Variants in MARCHF4 observed in about 807,000 individuals in gnomAD.
The protein encoded by MARCHF4 is membrane associated ring-CH-type finger 4.
A neutral mutation model predicts 43.9 loss-of-function variants in MARCHF4; 14 were observed. The observed-to-expected ratio is 0.32, with a 90% CI of 0.21 to 0.50. The LOEUF (loss-of-function observed/expected upper bound fraction) is 0.50. MARCHF4 is among the 20% of genes least tolerant of loss of function. The pLI is 0.98. For missense variants in MARCHF4, 468 were observed against 536.7 expected (o/e 0.87, Z 1.27); for synonymous variants, 226 against 213.3 (o/e 1.06, Z -0.52).
At chr2:216,294,379 A>C (rs1362850826) in intron 1 of MARCHF4, among the ~76,000 whole-genome samples, 1 of 152,264 alleles carries the variant, frequency 6.6e-6, no homozygotes, top group East Asian at 1.9e-4. Context: ...ATTAATATTC[A>C]GTGTATTCAG....
chr2:216,352,080 A>G (rs965548229), intron 1 of MARCHF4, among the ~76,000 whole-genome samples: 5 of 152,188 alleles, frequency 3.3e-5, no homozygotes, highest in Admixed American at 2.0e-4. Flanking sequence ...AAGATCTGGA[A>G]TGAAAGTATG....
chr2:216,259,223 C>G lies in MARCHF4; in HGVS notation c.*89G>C. ...AGGTCCCCCACCCTCTGCCTGCTCC[C>G]TCTGTTGGCTCTGGGGGTGCCACTG... On this transcript the variant is annotated 3_prime_UTR_variant, in exon 4 of 4. Coordinates refer to ENST00000273067, the MANE Select transcript of MARCHF4 (RefSeq NM_020814.3). 1 of 1,487,796 alleles carries G rather than the reference C, an allele frequency of 6.7e-7. No individual in the cohort carries two copies. The highest frequency in any genetic ancestry group is 1.5e-5 in the South Asian group (1 of 68,442). The allele number at this position is 1,487,796 out of a possible 1,614,324, so 92.2% of individuals were successfully genotyped here. A position where few individuals can be genotyped will look rare whatever the true frequency, so the allele number is the denominator to read the frequency against.
Position 216,277,774 on chromosome 2 carries a change from G to A in MARCHF4, c.763C>T (p.Leu255Phe). 3.7e-6 allele frequency: 6 copies of A among 1,614,222 alleles called. No homozygotes were observed. Among genetic ancestry groups the A allele is most frequent in the Non-Finnish European group, 5.1e-6 (6 of 1,180,032 alleles). ...GAGGGGCTGAAAGTTGACCAGATGAGCCAAGAAATACTGGCGATGAGGAAG... is the reference window on the plus strand; with the variant it reads ...GAGGGGCTGAAAGTTGACCAGATGAACCAAGAAATACTGGCGATGAGGAAG... ...SLFLIASISW[L>F]IWSTFSPSAR... Residue 255 changes from leucine to phenylalanine, a missense_variant, in exon 3 of 4, where the codon CTC (leucine) becomes TTC (phenylalanine). This residue lies in a region of MARCHF4 where 158 missense variants were observed against 251.1 expected (regional missense o/e 0.63). Transcript: ENST00000273067.
chr2:216,265,059 G>A (rs1234960506), intron 3 of MARCHF4, among the ~76,000 whole-genome samples: 1 of 152,170 alleles, frequency 6.6e-6, no homozygotes, highest in African/African-American at 2.4e-5. Flanking sequence ...CGTGGCCAAG[G>A]TTGAAGAGGT....
chr2:216,299,262 C>G (rs1046391966), intron 1 of MARCHF4, among the ~76,000 whole-genome samples: 2 of 152,148 alleles, frequency 1.3e-5, no homozygotes, highest in Non-Finnish European at 2.9e-5. Context: ...CAGGGGGTGC[C>G]TTGCCAGCTG....
intron 1 of MARCHF4, among the ~76,000 whole-genome samples, chr2:216,354,666 G>A (rs1247607237): frequency 6.6e-6 from 1 of 152,176 alleles, no homozygotes; most frequent in Non-Finnish European, 1.5e-5. Context: ...AAAGGAAATG[G>A]ACGACAGGAC....
chr2:216,291,324 T>G (rs1157777422), intron 1 of MARCHF4, among the ~76,000 whole-genome samples: 2 of 152,160 alleles, frequency 1.3e-5, no homozygotes, highest in Non-Finnish European at 2.9e-5. Flanking sequence ...CAAGTTTTCT[T>G]TCTGGTTTCT....
chr2:216,335,303 T>C (rs752981225), intron 1 of MARCHF4, among the ~76,000 whole-genome samples: 12 of 151,978 alleles, frequency 7.9e-5, no homozygotes, highest in Non-Finnish European at 1.2e-4. Context: ...CATTGAGAAA[T>C]TGACAAAAGA....
chr2:216,368,450 A>G (rs1692699965), intron 1 of MARCHF4, among the ~76,000 whole-genome samples: 1 of 152,352 alleles, frequency 6.6e-6, no homozygotes, highest in Middle Eastern at 3.4e-3. Context: ...AGAGACATTT[A>G]TTCACACTAA....
chr2:216,333,512 T>TGGA (rs1692112485), intron 1 of MARCHF4, among the ~76,000 whole-genome samples: 1 of 152,220 alleles, frequency 6.6e-6, no homozygotes, highest in Non-Finnish European at 1.5e-5. Context: ...CTGTGGAGAC[T>TGGA]CTTCATTGCT....
chr2:216,347,086 C>A (rs567630567), intron 1 of MARCHF4, among the ~76,000 whole-genome samples: 16 of 152,316 alleles, frequency 1.1e-4, no homozygotes, highest in Admixed American at 8.5e-4. Flanking sequence ...TTTCCTGAGG[C>A]CTCCTCAGCC....
At chr2:216,274,444 G>C (rs75528744) in intron 3 of MARCHF4, among the ~76,000 whole-genome samples, 1 of 152,194 alleles carries the variant, frequency 6.6e-6, no homozygotes, top group South Asian at 2.1e-4. Context: ...TCCCTCCAGA[G>C]AGCCCTTAAA....
intron 3 of MARCHF4, among the ~76,000 whole-genome samples, chr2:216,268,643 C>G (rs1690884990): frequency 6.6e-6 from 1 of 152,196 alleles, no homozygotes; most frequent in Non-Finnish European, 1.5e-5. Context: ...TACCCAGTAT[C>G]AGGGAAGTCC....
At chr2:216,306,382 C>T (rs1473082105) in intron 1 of MARCHF4, among the ~76,000 whole-genome samples, 1 of 152,162 alleles carries the variant, frequency 6.6e-6, no homozygotes, top group South Asian at 2.1e-4. Flanking sequence ...GTTTTGGATC[C>T]GTATCAAAAT....
chr2:216,302,385 ATTTT>A (rs371839329), intron 1 of MARCHF4, among the ~76,000 whole-genome samples: 1 of 139,808 alleles, frequency 7.2e-6, no homozygotes, highest in Non-Finnish European at 1.5e-5. Flanking sequence ...CGCCCATCTA[ATTTT>A]TTTTTTTTTT....
intron 1 of MARCHF4, among the ~76,000 whole-genome samples, chr2:216,367,093 C>T (rs1692677682): frequency 6.6e-6 from 1 of 152,246 alleles, no homozygotes; most frequent in Admixed American, 6.5e-5. Flanking sequence ...CGTTTAGCCC[C>T]TATAGCAGTA....
intron 3 of MARCHF4, among the ~76,000 whole-genome samples, chr2:216,274,448 C>T (rs970747198): frequency 6.6e-5 from 10 of 152,060 alleles, no homozygotes; most frequent in Non-Finnish European, 1.5e-4. Context: ...TCCAGAGAGC[C>T]CTTAAAAAGC....
At chr2:216,304,263 T>G (rs6756165) in intron 1 of MARCHF4, among the ~76,000 whole-genome samples, 10,464 of 152,290 alleles carry the variant, frequency 0.069, 1,185 homozygotes, top group African/African-American at 0.24. Flanking sequence ...GGGACATAAG[T>G]ATTCTAGGTA....
chr2:216,275,252 G>C (rs778127110), intron 3 of MARCHF4, among the ~76,000 whole-genome samples: 1 of 152,150 alleles, frequency 6.6e-6, no homozygotes, highest in Non-Finnish European at 1.5e-5. Flanking sequence ...CCAAGAAACA[G>C]GAGGAGGAGG....
Sources: allele counts gnomAD v4.1 joint callset (sites outside exome capture counted in the v4.1 genomes callset), GRCh38; gene constraint gnomAD v4.1.1; regional missense constraint gnomAD v4.1.1; transcripts MANE v1.5; gene names NCBI Gene and HGNC (gene_info 2026-07-23, HGNC 2026-07-21).